Variants in RIT2 observed in about 807,000 individuals in gnomAD.
RIT2 encodes Ras like without CAAX 2.
RIT2 carries 24 observed loss-of-function variants against 23.7 expected under a neutral mutation model. The ratio of observed to expected loss-of-function variants is 1.01; its 90% CI spans 0.73 to 1.43. The LOEUF is 1.43. Among genes scored for constraint, RIT2 ranks in the 40% most tolerant of loss-of-function variants. The pLI, the probability that RIT2 is intolerant of heterozygous loss-of-function variation, is 0.00. For synonymous variants in RIT2, 107 were observed against 91.1 expected, an observed-to-expected ratio of 1.17 and a Z score of -0.99; for missense variants, 236 against 266.9, an observed-to-expected ratio of 0.88 and a Z score of 0.81.
intron 1 of RIT2, among the ~76,000 whole-genome samples, chr18:43,080,238 C>G (rs1333903044): frequency 6.6e-6 from 1 of 152,172 alleles, no homozygotes; most frequent in African/African-American, 2.4e-5. Flanking sequence ...AGCTCATCAA[C>G]CCTGCAAAGG....
intron 2 of RIT2, among the ~76,000 whole-genome samples, chr18:43,006,211 C>T (rs1911224841): frequency 1.3e-5 from 2 of 151,322 alleles, no homozygotes; most frequent in African/African-American, 2.4e-5. Context: ...TTAAATGGTG[C>T]CTCTGTCTAA....
In RIT2 at chr18:42,837,190, C is replaced by G. The variant is rs550388581; in HGVS notation, c.426+86382G>C. Among the ~76,000 whole-genome samples the G allele has an allele frequency of 2.1e-4, 4 of 18,914 alleles. No homozygotes were observed. The South Asian group carries it at 4.8e-3, about 23-fold the overall frequency. The allele number at this position is 18,914 out of a possible 152,430, so 12.4% of individuals were successfully genotyped here. A position where few individuals can be genotyped will look rare whatever the true frequency, so the allele number is the denominator to read the frequency against. ...TTTTTTTTTTTTTTTTTTTTTGAGACGGAGTCTCGCTTTATCTCCCAGGCT... is the reference window on the plus strand; with the variant it reads ...TTTTTTTTTTTTTTTTTTTTTGAGAGGGAGTCTCGCTTTATCTCCCAGGCT... On this transcript the variant is annotated intron_variant, in intron 4 of 4. Transcript: ENST00000326695.
intron 1 of RIT2, among the ~76,000 whole-genome samples, chr18:43,106,408 A>T (rs1913823746): frequency 6.6e-6 from 1 of 152,234 alleles, no homozygotes; most frequent in Admixed American, 6.5e-5. Flanking sequence ...TTTCACATAT[A>T]CAAGAAATCT....
At chr18:42,828,464 T>C (rs2144004510) in intron 4 of RIT2, among the ~76,000 whole-genome samples, 1 of 152,360 alleles carries the variant, frequency 6.6e-6, no homozygotes, top group Admixed American at 6.5e-5. Flanking sequence ...TGCAAGGCTA[T>C]TATTTAGTGA....
intron 1 of RIT2, among the ~76,000 whole-genome samples, chr18:43,083,509 G>A (rs529125717): frequency 2.6e-4 from 39 of 152,128 alleles, no homozygotes; most frequent in Non-Finnish European, 3.7e-4. Flanking sequence ...CCCAAACAGC[G>A]TGGTGCTCGT....
At chr18:42,965,007 T>C (rs151160089) in intron 3 of RIT2, among the ~76,000 whole-genome samples, 9 of 152,324 alleles carry the variant, frequency 5.9e-5, no homozygotes, top group Admixed American at 3.9e-4. Flanking sequence ...AACTGAGAGC[T>C]ACCTTAACAA....
chr18:42,801,842 C>T (rs2143963205), intron 4 of RIT2, among the ~76,000 whole-genome samples: 1 of 152,232 alleles, frequency 6.6e-6, no homozygotes, highest in South Asian at 2.1e-4. Context: ...TTTTACAATA[C>T]ACAAAAATGT....
chr18:43,003,577 C>A (rs926821797), intron 2 of RIT2, among the ~76,000 whole-genome samples: 2 of 151,772 alleles, frequency 1.3e-5, no homozygotes, highest in African/African-American at 2.4e-5. Context: ...TTCTTGACTT[C>A]TATTTAATTG....
intron 1 of RIT2, among the ~76,000 whole-genome samples, chr18:43,041,687 T>A (rs1311824654): frequency 6.6e-6 from 1 of 152,174 alleles, no homozygotes; most frequent in Non-Finnish European, 1.5e-5. Flanking sequence ...CACATATTTT[T>A]ATTTAAATTT....
chr18:42,797,335 TTTCA>T (rs996395253), intron 4 of RIT2, among the ~76,000 whole-genome samples: 6 of 152,152 alleles, frequency 3.9e-5, no homozygotes, highest in Non-Finnish European at 8.8e-5. Flanking sequence ...GTGGTCACAC[TTTCA>T]TTCACCCAAA....
At chr18:42,868,180 G>T (rs1334918265) in intron 4 of RIT2, among the ~76,000 whole-genome samples, 2 of 152,120 alleles carry the variant, frequency 1.3e-5, no homozygotes, top group Non-Finnish European at 2.9e-5. Context: ...TTTTTTAACT[G>T]CTGGGAAAGT....
At position 42,846,404 on chromosome 18, in the gene RIT2, T is replaced by C. The variant is rs1222415379; in HGVS notation, c.426+77168A>G. Reference sequence around the variant, plus strand: ...GCTTTTCAAACCATGAATTTGAGTATGTATTTATTAAAAACATAAACTTAC... The same window carrying C: ...GCTTTTCAAACCATGAATTTGAGTACGTATTTATTAAAAACATAAACTTAC... On this transcript the variant is annotated intron_variant, in intron 4 of 4. Coordinates refer to ENST00000326695, the MANE Select transcript of RIT2 (RefSeq NM_002930.4). Among the ~76,000 whole-genome samples, 3 of 152,124 alleles carry C rather than the reference T, an allele frequency of 2.0e-5. No homozygotes were observed. In the East Asian group the frequency reaches 5.8e-4, roughly 29 times the overall value.
intron 1 of RIT2, among the ~76,000 whole-genome samples, chr18:43,099,743 G>GT (rs888301358): frequency 3.3e-5 from 5 of 152,094 alleles, no homozygotes; most frequent in African/African-American, 7.2e-5. Flanking sequence ...ATCTTGCAGG[G>GT]TTTTTTTCTG....
At chr18:42,995,067 C>G (rs541476164) in intron 2 of RIT2, among the ~76,000 whole-genome samples, 85 of 152,246 alleles carry the variant, frequency 5.6e-4, no homozygotes, top group African/African-American at 2.0e-3. Context: ...TTTCCTGTTC[C>G]TCACCCTGAT....
Position 43,007,423 on chromosome 18 carries a change from G to A in RIT2, c.160+26388C>T, listed in dbSNP as rs540771223. 7.9e-5 allele frequency among the ~76,000 whole-genome samples: 12 copies of A among 151,812 alleles called. No individual in the cohort carries two copies. The South Asian group carries it at 1.9e-3, about 24-fold the overall frequency. ...AAACTTGAGAAGTAATGAGCACCGA[G>A]TAGCAATGACTATGCCTAGCACACA... is the stretch of plus-strand genomic sequence containing the variant. On this transcript the variant is annotated intron_variant, in intron 2 of 4. Transcript: ENST00000326695.
intron 4 of RIT2, among the ~76,000 whole-genome samples, chr18:42,894,476 T>A (rs1908268207): frequency 6.6e-6 from 1 of 152,160 alleles, no homozygotes; most frequent in Non-Finnish European, 1.5e-5. Context: ...TAATTATTAG[T>A]AGAACAACAC....
At chr18:42,783,513 AT>A (rs896389368) in intron 4 of RIT2, among the ~76,000 whole-genome samples, 30 of 151,226 alleles carry the variant, frequency 2.0e-4, no homozygotes, top group African/African-American at 7.1e-4. Flanking sequence ...TAACACTTAA[AT>A]TTTTTTTCTA....
intron 4 of RIT2, among the ~76,000 whole-genome samples, chr18:42,814,643 T>C (rs963689155): frequency 1.3e-5 from 2 of 152,134 alleles, no homozygotes; most frequent in Non-Finnish European, 2.9e-5. Flanking sequence ...CCATGGTAAC[T>C]GAAGTCAAAG....
chr18:42,960,149 G>A (rs571970055), intron 3 of RIT2, among the ~76,000 whole-genome samples: 8 of 152,166 alleles, frequency 5.3e-5, no homozygotes, highest in Admixed American at 2.6e-4. Flanking sequence ...TACTTTTCTC[G>A]GCATCATCTT....
Sources: gnomAD v4.1 joint callset for allele counts (sites outside exome capture counted in the v4.1 genomes callset) on GRCh38, gnomAD v4.1.1 for gene constraint, MANE v1.5 for transcripts, NCBI Gene and HGNC (gene_info 2026-07-23, HGNC 2026-07-21) for gene names.